STK32C: variants seen among roughly 807,000 people sequenced by gnomAD.
STK32C encodes serine/threonine kinase 32C, also known as serine/threonine-protein kinase 32C.
STK32C carries 31 observed loss-of-function variants against 56.5 expected under a neutral mutation model. The observed-to-expected ratio is 0.55, with a 90% confidence interval of 0.41 to 0.74. The LOEUF (loss-of-function observed/expected upper bound fraction) is 0.74, where lower values mean the gene tolerates loss of function less well. Among genes scored for constraint, STK32C ranks in the 30% least tolerant of loss-of-function variants. The pLI is 0.00. For missense variants in STK32C, 544 were observed against 676.9 expected (o/e 0.80, Z 2.18); for synonymous variants, 309 against 289.4 (o/e 1.07, Z -0.69).
chr10:132,326,120 G>C (rs891345994), intron 1 of STK32C, among the ~76,000 whole-genome samples: 14 of 152,148 alleles, frequency 9.2e-5, no homozygotes, highest in Middle Eastern at 3.2e-3. Flanking sequence ...GGATCGGGGA[G>C]GCCTGGAAGG....
intron 2 of STK32C, among the ~76,000 whole-genome samples, chr10:132,242,819 C>T (rs1377482843): frequency 6.6e-6 from 1 of 152,240 alleles, no homozygotes; most frequent in African/African-American, 2.4e-5. Context: ...TTTCACAGAC[C>T]TGGCTCTCAG....
chr10:132,285,387 G>C (rs1410941096), intron 1 of STK32C, among the ~76,000 whole-genome samples: 1 of 152,184 alleles, frequency 6.6e-6, no homozygotes, highest in Non-Finnish European at 1.5e-5. Flanking sequence ...CAATAATGAC[G>C]CTAACATTCC....
At chr10:132,220,247 G>A (rs868094880) in intron 10 of STK32C, among the ~76,000 whole-genome samples, 7 of 152,224 alleles carry the variant, frequency 4.6e-5, no homozygotes, top group Non-Finnish European at 7.3e-5. Context: ...CCGACCCCAC[G>A]CGGCAGCGAA....
chr10:132,227,034 G>T, intron 3 of STK32C, 66 bp from the exon 4 acceptor site: 1 of 1,563,290 alleles, frequency 6.4e-7, no homozygotes. Flanking sequence ...TGCTCCCACA[G>T]CTGACACACT....
At chr10:132,313,060 A>G (rs2066249903) in intron 1 of STK32C, among the ~76,000 whole-genome samples, 1 of 152,162 alleles carries the variant, frequency 6.6e-6, no homozygotes, top group Non-Finnish European at 1.5e-5. Context: ...ATAAAATTAA[A>G]TTAAAAACCT....
In STK32C at chr10:132,225,558, C is replaced by T. The variant is rs769068413; in HGVS notation, c.741G>A (p.Ala247=). ...IATIIKDGER[A]TALAGTKPYM... ...ACGGCTTGGTGCCTGCTAATGCCGT[C>T]GCCCGCTCCCCGTCCTTGATGATGG... is the stretch of plus-strand genomic sequence containing the variant. Residue 247 remains alanine (A), a synonymous_variant, in exon 6 of 12, where the codon GCG becomes GCA. Transcript: ENST00000298630. The T allele has an allele frequency of 3.1e-6, 5 of 1,613,850 alleles. No homozygotes were observed. The highest frequency in any genetic ancestry group is 1.6e-4 in the Middle Eastern group (1 of 6,062).
intron 1 of STK32C, chr10:132,330,186 G>T: frequency 2.1e-6 from 1 of 472,886 alleles, no homozygotes; most frequent in Non-Finnish European, 3.9e-6. Flanking sequence ...GGCAAAACAT[G>T]CTCGTACATA....
intron 1 of STK32C, among the ~76,000 whole-genome samples, chr10:132,257,311 G>T (rs1434651777): frequency 6.6e-6 from 1 of 152,096 alleles, no homozygotes; most frequent in Non-Finnish European, 1.5e-5. Context: ...AGCCCCTGGG[G>T]TCCTGCACAG....
At chr10:132,250,581 G>A (rs2063864494) in intron 1 of STK32C, among the ~76,000 whole-genome samples, 1 of 147,778 alleles carries the variant, frequency 6.8e-6, no homozygotes, top group Non-Finnish European at 1.5e-5. Flanking sequence ...TGAGGCGCAC[G>A]GGACAGGTCA....
upstream of STK32C, chr10:132,331,850 G>A (rs754155712): frequency 5.6e-6 from 8 of 1,440,798 alleles, no homozygotes; most frequent in South Asian, 5.0e-5. Flanking sequence ...AAAAACGGAT[G>A]CTACCGTTGG....
intron 2 of STK32C, among the ~76,000 whole-genome samples, chr10:132,238,019 A>T (rs1330645151): frequency 6.6e-6 from 1 of 152,076 alleles, no homozygotes; most frequent in Non-Finnish European, 1.5e-5. Context: ...GAGACTCTCC[A>T]GCCCTGACCC....
chr10:132,215,168 C>G (rs1231104536), intron 10 of STK32C, among the ~76,000 whole-genome samples: 1 of 152,112 alleles, frequency 6.6e-6, no homozygotes, highest in Non-Finnish European at 1.5e-5. Context: ...ACAGGTGTAT[C>G]CCACCACACC....
At chr10:132,298,720 G>T (rs1241423182) in intron 1 of STK32C, among the ~76,000 whole-genome samples, 2 of 152,070 alleles carry the variant, frequency 1.3e-5, no homozygotes, top group Admixed American at 1.3e-4. Context: ...CGCAGTGTGT[G>T]GAGTCACCCA....
rs759417490 is a variant in STK32C at position 132,222,910 on chromosome 10, A to G, written c.1070T>C (p.Leu357Pro). ...CCTCTTCTCGCTCAGGTGGTCCCAC[A>G]GCACGCCGGCCAGCGCCGGGGCTGC... ...VQAAPALAGV[L>P]WDHLSEKRVE... The change falls in exon 9 of 12, where the codon CTG becomes CCG. Residue 357 changes from leucine to proline, a missense_variant. Leu to Pro is a moderately conservative substitution (Grantham distance 98). Transcript: ENST00000298630. 7 of 1,566,396 alleles carry G rather than the reference A, an allele frequency of 4.5e-6. No individual in the cohort carries two copies. The highest frequency in any genetic ancestry group is 6.0e-6 in the Non-Finnish European group (7 of 1,159,444).
At chr10:132,310,354 A>ACAACTCTTGTACTGTCCAGGTG (rs983071988), upstream of STK32C, among the ~76,000 whole-genome samples, 1 of 152,214 alleles carries the variant, frequency 6.6e-6, no homozygotes, top group Non-Finnish European at 1.5e-5. This position sits in a 1 kb window ranked among gnomAD's most constrained non-coding sequence, Gnocchi z 4.6. Flanking sequence ...GGCTCAGGGC[A>ACAACTCTTGTACTGTCCAGGTG]CAACTCTTGT....
chr10:132,242,908 G>A (rs1057083224), intron 2 of STK32C, among the ~76,000 whole-genome samples: 7 of 152,140 alleles, frequency 4.6e-5, no homozygotes, highest in South Asian at 2.1e-4. Context: ...ACAGGAAAAC[G>A]CTGTACCCCC....
chr10:132,253,837 A>T (rs1370394578), intron 1 of STK32C, among the ~76,000 whole-genome samples: 1 of 152,252 alleles, frequency 6.6e-6, no homozygotes, highest in Admixed American at 6.5e-5. Flanking sequence ...TTCCCCAAGA[A>T]TAAAAAATGA....
intron 2 of STK32C, among the ~76,000 whole-genome samples, chr10:132,235,728 C>T (rs1002813905): frequency 1.3e-5 from 2 of 151,980 alleles, no homozygotes; most frequent in Non-Finnish European, 2.9e-5. Flanking sequence ...CCGGCGGTCA[C>T]GGACCCACCT....
At chr10:132,253,087 C>G (rs1339001645) in intron 1 of STK32C, among the ~76,000 whole-genome samples, 1 of 152,250 alleles carries the variant, frequency 6.6e-6, no homozygotes, top group South Asian at 2.1e-4. Flanking sequence ...ACAGCAGGGA[C>G]GTTCGTCCTC....
Sources: allele counts gnomAD v4.1 joint callset (sites outside exome capture counted in the v4.1 genomes callset), GRCh38; gene constraint gnomAD v4.1.1; non-coding constraint Gnocchi (gnomAD v3.1); transcripts MANE v1.5; gene names NCBI Gene and HGNC (gene_info 2026-07-23, HGNC 2026-07-21).